The following RREB1 variants were observed in gnomAD, a reference collection of about 807,000 sequenced individuals.
RREB1 encodes ras-responsive element-binding protein 1.
RREB1 carries 27 observed loss-of-function variants against 117.8 expected under a neutral mutation model. The ratio of observed to expected loss-of-function variants is 0.23; its 90% CI spans 0.17 to 0.32. RREB1 has a LOEUF of 0.32. Among genes scored for constraint, RREB1 ranks in the 10% least tolerant of loss-of-function variants. The pLI is 1.00. For synonymous variants in RREB1, 1,298 were observed against 1,026.7 expected, an observed-to-expected ratio of 1.26 and a Z score of -5.05; for missense variants, 2,577 against 2,378.2, an observed-to-expected ratio of 1.08 and a Z score of -1.74.
chr6:7,210,897 A>G lies in RREB1; in HGVS notation c.519A>G (p.Lys173=), dbSNP rs1414926926. 6.2e-7 allele frequency: 1 copy of G among 1,614,192 alleles called. No individual in the cohort carries two copies. Among genetic ancestry groups the G allele is most frequent in the East Asian group, 2.2e-5 (1 of 44,886 alleles). The part of the protein sequence containing the change: ...LKRRRLSSKR[K]LSHDAESERE... ...GTAGGCGATTGTCCTCCAAGAGGAA[A>G]CTGAGTCACGATGCCGAGTCAGAGA... Residue 173 remains lysine (K), a synonymous_variant, in exon 7 of 13, where the codon AAA becomes AAG. Coordinates refer to ENST00000379938, the MANE Select transcript of RREB1 (RefSeq NM_001003699.4).
intron 9 of RREB1, among the ~76,000 whole-genome samples, chr6:7,228,495 CTTTTTTTT>C (rs568193582): frequency 1.1e-4 from 10 of 91,232 alleles, no homozygotes; most frequent in Admixed American, 7.0e-4. Flanking sequence ...AGAAGGTCAA[CTTTTTTTT>C]TTTTTTTTTT....
chr6:7,226,735 C>T, intron 9 of RREB1, 79 bp downstream of exon 9: 1 of 1,075,664 alleles, frequency 9.3e-7, no homozygotes, highest in Non-Finnish European at 1.4e-6. Context: ...ACTTCCTCTC[C>T]TCAGGGTTTC....
chr6:7,221,405 C>T (rs1209246807), intron 8 of RREB1, among the ~76,000 whole-genome samples: 1 of 152,092 alleles, frequency 6.6e-6, no homozygotes, highest in African/African-American at 2.4e-5. Flanking sequence ...ATCTCCTGAC[C>T]TCATGATCCA....
At chr6:7,219,096 A>G (rs1767084780) in intron 8 of RREB1, 1 of 42,012 alleles carries the variant, frequency 2.4e-5, no homozygotes, top group Non-Finnish European at 4.9e-5. Context: ...AAAATACAAA[A>G]AAAAAAAAAA....
chr6:7,156,688 G>A (rs981592096), intron 1 of RREB1, among the ~76,000 whole-genome samples: 20 of 152,266 alleles, frequency 1.3e-4, no homozygotes, highest in African/African-American at 4.8e-4. Flanking sequence ...AGCTATGTGT[G>A]TGAATTGGGC....
chr6:7,187,109 GATT>G (rs71707018), intron 4 of RREB1, among the ~76,000 whole-genome samples: 10,610 of 152,264 alleles, frequency 0.07, 443 homozygotes, highest in Middle Eastern at 0.11. Flanking sequence ...CACCATCACA[GATT>G]ATTAAGTGGT....
At chr6:7,117,646 T>C (rs910214270) in intron 1 of RREB1, among the ~76,000 whole-genome samples, 1 of 152,082 alleles carries the variant, frequency 6.6e-6, no homozygotes, top group African/African-American at 2.4e-5. Context: ...TGACCTCAGG[T>C]GATCTGCCCA....
chr6:7,238,312 A>G (rs771603997), intron 10 of RREB1, among the ~76,000 whole-genome samples: 40 of 152,302 alleles, frequency 2.6e-4, no homozygotes, highest in Non-Finnish European at 5.0e-4. Context: ...ATCTCTGCTC[A>G]CTGCCACCTC....
At chr6:7,167,153 A>G (rs1410961528) in intron 1 of RREB1, among the ~76,000 whole-genome samples, 2 of 152,124 alleles carry the variant, frequency 1.3e-5, no homozygotes, top group African/African-American at 4.8e-5. Context: ...AGTAGTGTGT[A>G]CTTCCGTAAT....
chr6:7,242,094 T>C (rs930959170), intron 11 of RREB1, among the ~76,000 whole-genome samples: 1 of 152,232 alleles, frequency 6.6e-6, no homozygotes, highest in Admixed American at 6.5e-5. Context: ...GATCTTCCCA[T>C]AGTGGTTCCA....
At chr6:7,219,326 T>C (rs1767104899) in intron 8 of RREB1, among the ~76,000 whole-genome samples, 1 of 152,070 alleles carries the variant, frequency 6.6e-6, no homozygotes, top group Admixed American at 6.5e-5. Context: ...TAAGACTTAG[T>C]GAATCTGAGT....
At chr6:7,145,289 C>T (rs924515696) in intron 1 of RREB1, among the ~76,000 whole-genome samples, 2 of 152,228 alleles carry the variant, frequency 1.3e-5, no homozygotes, top group Non-Finnish European at 2.9e-5. Context: ...TTCAACTGAG[C>T]AAAGTCTCCT....
intron 1 of RREB1, among the ~76,000 whole-genome samples, chr6:7,128,548 C>G (rs921562918): frequency 6.6e-6 from 1 of 152,170 alleles, no homozygotes; most frequent in Non-Finnish European, 1.5e-5. Context: ...AGAGATGCTC[C>G]TGTTTCTGAG....
Position 7,213,749 on chromosome 6 carries a change from G to A in RREB1, c.707+2040G>A, listed in dbSNP as rs536102266. On this transcript the variant is annotated intron_variant, in intron 8 of 12. Coordinates refer to ENST00000379938, the MANE Select transcript of RREB1 (RefSeq NM_001003699.4). ...ACAGGGGACCCCAGCTCCTGCTCAC[G>A]TTCCTACCCAGCAGCCTTCAGAGCC... The A allele has an allele frequency of 3.1e-4, 47 of 152,402 alleles. 1 individual carries two copies. Among genetic ancestry groups the A allele is most frequent in the African/African-American group, 1.1e-3 (45 of 41,582 alleles). The allele number at this position is 152,402 out of a possible 1,614,324, so 9.4% of individuals were successfully genotyped here.
intron 6 of RREB1, among the ~76,000 whole-genome samples, chr6:7,210,521 C>T (rs1184353963): frequency 6.6e-6 from 1 of 152,118 alleles, no homozygotes; most frequent in Non-Finnish European, 1.5e-5. Context: ...AACAGGTCAC[C>T]AGATAGTTTG....
chr6:7,231,187 G>A lies in RREB1; in HGVS notation c.3088G>A (p.Val1030Met), dbSNP rs765428877. The A allele has an allele frequency of 1.3e-5, 21 of 1,611,300 alleles. No individual in the cohort carries two copies. The highest frequency in any genetic ancestry group is 2.2e-5 in the East Asian group (1 of 44,814). The stretch of plus-strand genomic sequence containing the variant: ...AGCCCTGGTCAGCAGCCCTCCACTC[G>A]TGGGCAGCTCAGCCCTCCTGAGTGG... ...SSALVSSPPL[V>M]GSSALLSGTA... Residue 1030 changes from valine (V) to methionine (M), a missense_variant, in exon 10 of 13, where the codon GTG (valine) becomes ATG (methionine). Physicochemically the swap from Val to Met is conservative, Grantham distance 21. Transcript: ENST00000379938.
chr6:7,229,868 C>T lies in RREB1; in HGVS notation c.1769C>T (p.Pro590Leu). The T allele has an allele frequency of 6.2e-7, 1 of 1,610,798 alleles. No individual in the cohort carries two copies. The highest frequency in any genetic ancestry group is 1.1e-5 in the South Asian group (1 of 90,904). Reference protein sequence around the residue: ...QQPRAELPGQPEMKTQLEQDS... With the variant: ...QQPRAELPGQLEMKTQLEQDS... ...CCGCGGGCGGAGCTGCCGGGCCAGC[C>T]TGAGATGAAGACGCAGCTGGAGCAG... is the stretch of plus-strand genomic sequence containing the variant. The change falls in exon 10 of 13, where the codon CCT becomes CTT. Residue 590 changes from proline (P) to leucine (L), a missense_variant. Coordinates refer to ENST00000379938, the MANE Select transcript of RREB1 (RefSeq NM_001003699.4). The surrounding 1 kb of genome is among the most constrained non-coding windows in gnomAD (Gnocchi z 4.5).
chr6:7,208,087 C>T (rs940114176), intron 6 of RREB1, among the ~76,000 whole-genome samples: 1 of 152,168 alleles, frequency 6.6e-6, no homozygotes, highest in African/African-American at 2.4e-5. Context: ...CATTTATTGA[C>T]TCTCAGGATG....
chr6:7,171,847 A>T lies in RREB1; in HGVS notation c.-284-4808A>T, dbSNP rs117531552. 5.8e-4 allele frequency among the ~76,000 whole-genome samples: 89 copies of T among 152,194 alleles called. No homozygotes were observed. In the East Asian group the frequency reaches 0.015, roughly 25 times the overall value. On this transcript the variant is annotated intron_variant, in intron 1 of 12. Coordinates refer to ENST00000379938, the MANE Select transcript of RREB1 (RefSeq NM_001003699.4). ...TTCTGGGGCAAGGAACTGAGCAGAA[A>T]GGGTAACCAAGGGGACTGGTGTGCG...
Sources: gnomAD v4.1 joint callset for allele counts (sites outside exome capture counted in the v4.1 genomes callset) on GRCh38, gnomAD v4.1.1 for gene constraint, Gnocchi (gnomAD v3.1) non-coding constraint, MANE v1.5 for transcripts, NCBI Gene and HGNC (gene_info 2026-07-23, HGNC 2026-07-21) for gene names.